PAM: variants seen among roughly 807,000 people sequenced by gnomAD.
PAM encodes peptidylglycine alpha-amidating monooxygenase.
PAM carries 72 observed loss-of-function variants against 122.1 expected under a neutral mutation model. The observed-to-expected ratio is 0.59, with a 90% CI of 0.49 to 0.72. The LOEUF is 0.72. Among genes scored for constraint, PAM ranks in the 30% least tolerant of loss-of-function variants. The probability of loss-of-function intolerance (pLI) is 0.00; values close to 1 mark genes in which losing one functional copy is unlikely to be tolerated. For synonymous variants in PAM, 389 were observed against 404.4 expected (o/e 0.96, Z 0.46); for missense variants, 1,106 against 1,183.7 (o/e 0.93, Z 0.96).
rs576271393 is a variant in PAM at position 102,784,967 on chromosome 5, A to G, written c.-374+29619A>G. Among the ~76,000 whole-genome samples the G allele has an allele frequency of 1.8e-4, 27 of 152,374 alleles. 1 individual carries two copies. The highest frequency in any genetic ancestry group is 3.4e-3 in the Middle Eastern group (1 of 294). On this transcript the variant is annotated intron_variant, in intron 1 of 25. Transcript: ENST00000438793. ...GAAATCAGAATCACCTGGAGGATTA[A>G]AAACAACAAAAAAGCAATGCCCGCA...
intron 3 of PAM, among the ~76,000 whole-genome samples, chr5:102,869,184 T>C (rs1786556828): frequency 6.6e-6 from 1 of 152,204 alleles, no homozygotes; most frequent in African/African-American, 2.4e-5. Flanking sequence ...GATAATTGAC[T>C]GTATCCCGCC....
At chr5:102,895,932 A>G (rs2151329192) in intron 3 of PAM, 1 of 151,848 alleles carries the variant, frequency 6.6e-6, no homozygotes, top group Middle Eastern at 3.4e-3. Context: ...CTTGATGAAA[A>G]GCATGAACCA....
At chr5:102,985,826 T>G (rs1771631322) in intron 15 of PAM, among the ~76,000 whole-genome samples, 1 of 152,126 alleles carries the variant, frequency 6.6e-6, no homozygotes, top group Non-Finnish European at 1.5e-5. Context: ...CTGATGAACA[T>G]AAATGCAAAA....
rs531789332 is a variant in PAM, at chr5:102,928,767, G to C, written c.526+2099G>C. ...TTAGGAGGCTTTATAAATTTAGTATGATGTTTTGGAAAGCATTTTTACCAT... is the reference window on the plus strand; with the variant it reads ...TTAGGAGGCTTTATAAATTTAGTATCATGTTTTGGAAAGCATTTTTACCAT... On this transcript the variant is annotated intron_variant, in intron 7 of 25. Transcript: ENST00000438793. 8.5e-5 allele frequency among the ~76,000 whole-genome samples: 13 copies of C among 152,206 alleles called. No homozygotes were observed. In the East Asian group the frequency reaches 1.9e-3, roughly 23 times the overall value.
chr5:103,013,317 T>G (rs183986355), intron 21 of PAM, among the ~76,000 whole-genome samples: 1 of 152,276 alleles, frequency 6.6e-6, no homozygotes, highest in African/African-American at 2.4e-5. Context: ...TTAAAAATAT[T>G]TTTGGCTATT....
chr5:103,025,063 A>C, intron 23 of PAM, 68 bp from the exon 24 acceptor site: 1 of 1,026,512 alleles, frequency 9.7e-7, no homozygotes, highest in Non-Finnish European at 1.5e-6. Flanking sequence ...TTGACTGGGT[A>C]GGGGTGGGTA....
intron 14 of PAM, among the ~76,000 whole-genome samples, chr5:102,962,761 A>G (rs1238260398): frequency 3.3e-5 from 5 of 151,804 alleles, no homozygotes; most frequent in South Asian, 2.1e-4. Context: ...GAGGTGTTAT[A>G]TACGCCTACA....
At chr5:102,970,069 TAAAG>T (rs898367930) in intron 14 of PAM, among the ~76,000 whole-genome samples, 1 of 152,022 alleles carries the variant, frequency 6.6e-6, no homozygotes, top group African/African-American at 2.4e-5. Context: ...TAGATCAAAA[TAAAG>T]AGTCTATTAG....
intron 7 of PAM, among the ~76,000 whole-genome samples, chr5:102,938,052 A>G (rs1753855368): frequency 6.6e-6 from 1 of 152,124 alleles, no homozygotes; most frequent in African/African-American, 2.4e-5. Flanking sequence ...GATATTCTTC[A>G]TGTTCTTCTC....
chr5:102,855,404 T>G (rs78607025), intron 1 of PAM, among the ~76,000 whole-genome samples: 4,062 of 152,252 alleles, frequency 0.027, 193 homozygotes, highest in African/African-American at 0.091. Flanking sequence ...TTGTACAAAT[T>G]TGAACATTTG....
intron 1 of PAM, among the ~76,000 whole-genome samples, chr5:102,762,756 A>G (rs572186081): frequency 1.3e-5 from 2 of 152,302 alleles, no homozygotes; most frequent in South Asian, 4.1e-4. Context: ...ACATTTTCTC[A>G]AGCTGCACAT....
At chr5:102,901,239 A>T in intron 3 of PAM, 117 bp from the exon 4 acceptor site, 1 of 623,930 alleles carries the variant, frequency 1.6e-6, no homozygotes, top group Non-Finnish European at 2.9e-6. Flanking sequence ...AGCCCTCAGA[A>T]GGAAAACTAC....
At position 102,924,705 on chromosome 5, in the gene PAM, T is replaced by A. The variant is rs1397820423; in HGVS notation, c.357-252T>A. 2.6e-5 allele frequency among the ~76,000 whole-genome samples: 4 copies of A among 151,914 alleles called. 1 individual carries two copies. Among genetic ancestry groups the A allele is most frequent in the Non-Finnish European group, 5.9e-5 (4 of 67,982 alleles). Reference sequence around the variant, plus strand: ...TATGAACATATCAAAGTAAAAATTATATATCTCCCTCACAGGATTGTTTCA... The same window carrying A: ...TATGAACATATCAAAGTAAAAATTAAATATCTCCCTCACAGGATTGTTTCA... On this transcript the variant is annotated intron_variant, in intron 5 of 25. Transcript: ENST00000438793.
intron 3 of PAM, among the ~76,000 whole-genome samples, chr5:102,873,004 C>T (rs1788020345): frequency 6.6e-6 from 1 of 151,956 alleles, no homozygotes; most frequent in Non-Finnish European, 1.5e-5. Flanking sequence ...AATCTGTACA[C>T]CAAACCCCCA....
At chr5:102,859,888 G>A (rs76598981) in intron 1 of PAM, among the ~76,000 whole-genome samples, 3,250 of 152,216 alleles carry the variant, frequency 0.021, 52 homozygotes, top group Admixed American at 0.033. Flanking sequence ...TGCTGTACAG[G>A]TTTGTAGCCT....
chr5:102,944,900 C>T (rs920208212), intron 7 of PAM, among the ~76,000 whole-genome samples: 1 of 152,070 alleles, frequency 6.6e-6, no homozygotes, highest in African/African-American at 2.4e-5. Context: ...CTATTTTACT[C>T]TTTTAATTTT....
chr5:102,948,526 C>A, intron 9 of PAM, 81 bp downstream of exon 9: 1 of 691,040 alleles, frequency 1.4e-6, no homozygotes. Flanking sequence ...TTTTTATAAA[C>A]TTTAAAAATA....
At chr5:102,869,268 A>G (rs1254831143) in intron 3 of PAM, among the ~76,000 whole-genome samples, 1 of 152,214 alleles carries the variant, frequency 6.6e-6, no homozygotes, top group Non-Finnish European at 1.5e-5. Flanking sequence ...TTTTGCTGAG[A>G]ATGTATTTTT....
At chr5:102,799,930 T>C (rs1416339882) in intron 1 of PAM, among the ~76,000 whole-genome samples, 5 of 152,196 alleles carry the variant, frequency 3.3e-5, no homozygotes, top group Admixed American at 6.5e-5. Context: ...CACAACAATG[T>C]TTGGGGACTG....
Sources: allele counts gnomAD v4.1 joint callset (sites outside exome capture counted in the v4.1 genomes callset), GRCh38; gene constraint gnomAD v4.1.1; transcripts MANE v1.5; gene names NCBI Gene and HGNC (gene_info 2026-07-23, HGNC 2026-07-21).